Variants in PJA2 observed in about 807,000 individuals in gnomAD.
The protein encoded by PJA2 is E3 ubiquitin-protein ligase Praja-2.
A neutral mutation model predicts 69.3 loss-of-function variants in PJA2; 25 were observed. The observed-to-expected ratio is 0.36, with a 90% confidence interval of 0.26 to 0.50. The LOEUF (loss-of-function observed/expected upper bound fraction) is 0.50, where lower values mean the gene tolerates loss of function less well. Among genes scored for constraint, PJA2 ranks in the 20% least tolerant of loss-of-function variants. PJA2 has a pLI of 0.96. For missense variants in PJA2, 809 were observed against 830.2 expected (o/e 0.97, Z 0.31); for synonymous variants, 308 against 277.8 (o/e 1.11, Z -1.08).
intron 4 of PJA2, among the ~76,000 whole-genome samples, chr5:109,370,716 C>A (rs1762662300): frequency 6.6e-6 from 1 of 152,136 alleles, no homozygotes; most frequent in Non-Finnish European, 1.5e-5. Flanking sequence ...ACCTAAGTTT[C>A]CTTGAGTAAG....
intron 1 of PJA2, among the ~76,000 whole-genome samples, chr5:109,391,859 A>G (rs1747289708): frequency 6.6e-6 from 1 of 152,222 alleles, no homozygotes; most frequent in East Asian, 1.9e-4. Context: ...CCTTGAAAGG[A>G]TATCGTTTAC....
At chr5:109,345,836 A>G (rs1004360848) in intron 7 of PJA2, among the ~76,000 whole-genome samples, 3 of 152,194 alleles carry the variant, frequency 2.0e-5, no homozygotes, top group Non-Finnish European at 4.4e-5. Context: ...ACAGGTTCAA[A>G]TATCTGTGTC....
At chr5:109,380,162 C>T (rs748853489) in intron 3 of PJA2, among the ~76,000 whole-genome samples, 18 of 134,904 alleles carry the variant, frequency 1.3e-4, no homozygotes, top group Admixed American at 1.0e-3. Flanking sequence ...GGCATGATCT[C>T]GGCTCACTGC....
intron 7 of PJA2, among the ~76,000 whole-genome samples, chr5:109,353,547 C>CT (rs1482565665): frequency 7.1e-5 from 8 of 113,142 alleles, no homozygotes; most frequent in Admixed American, 3.3e-4. Flanking sequence ...TCATAGATAT[C>CT]TATATATTAG....
At chr5:109,409,318 G>T (rs958942654) in intron 1 of PJA2, 1 of 152,354 alleles carries the variant, frequency 6.6e-6, no homozygotes, top group African/African-American at 2.4e-5. Context: ...GGAAAATGCA[G>T]ACGCCCAGCA....
At position 109,409,938 on chromosome 5, in the gene PJA2, C is replaced by T. The variant is rs1729594406; in HGVS notation, c.-184G>A. ...CCTCCAACTCCTCCCCCGCCGAACG[C>T]GAAGCGGCTGGCGGCTGTGGCGGCG... On this transcript the variant is annotated 5_prime_UTR_variant, in exon 1 of 10. Transcript: ENST00000361189. The T allele has an allele frequency of 4.9e-6, 1 of 203,564 alleles. No individual in the cohort carries two copies. Among genetic ancestry groups the T allele is most frequent in the Non-Finnish European group, 9.7e-6 (1 of 102,598 alleles). The allele number at this position is 203,564 out of a possible 1,614,324, so 12.6% of individuals were successfully genotyped here. A position where few individuals can be genotyped will look rare whatever the true frequency, so the allele number is the denominator to read the frequency against.
intron 7 of PJA2, among the ~76,000 whole-genome samples, chr5:109,355,280 G>C (rs753103392): frequency 2.0e-5 from 3 of 152,046 alleles, no homozygotes; most frequent in Non-Finnish European, 2.9e-5. Context: ...AAATCACTTT[G>C]GAAATAGTGA....
At chr5:109,337,456 C>T (rs770688629) in intron 9 of PJA2, 100 bp from the exon 10 acceptor site, 199 of 1,331,976 alleles carry the variant, frequency 1.5e-4, no homozygotes, top group Non-Finnish European at 1.9e-4. Context: ...AATAATAAGA[C>T]TCTTAACAAC....
intron 9 of PJA2, 22 bp from the exon 10 acceptor site, chr5:109,337,378 A>G: frequency 2.5e-6 from 4 of 1,573,506 alleles, no homozygotes; most frequent in Non-Finnish European, 3.4e-6. Flanking sequence ...AAAAATGTTA[A>G]GAGCCACCAG....
intron 1 of PJA2, among the ~76,000 whole-genome samples, chr5:109,401,746 C>A (rs1375774818): frequency 1.3e-5 from 2 of 152,156 alleles, no homozygotes; most frequent in Non-Finnish European, 2.9e-5. Context: ...AAAGGAAGTT[C>A]TTCATGCAGA....
At chr5:109,356,501 T>A (rs73226866) in intron 6 of PJA2, among the ~76,000 whole-genome samples, 8,803 of 152,152 alleles carry the variant, frequency 0.058, 832 homozygotes, top group African/African-American at 0.2. Context: ...TATTCCAAAA[T>A]CTAGGAAAAG....
intron 7 of PJA2, among the ~76,000 whole-genome samples, chr5:109,349,390 G>C (rs1762215819): frequency 1.3e-5 from 2 of 152,126 alleles, no homozygotes; most frequent in South Asian, 4.1e-4. Context: ...CAGTGTGCTT[G>C]CTTGACAGAG....
At chr5:109,359,352 C>T (rs1415930301) in intron 6 of PJA2, among the ~76,000 whole-genome samples, 1 of 152,132 alleles carries the variant, frequency 6.6e-6, no homozygotes, top group Non-Finnish European at 1.5e-5. Flanking sequence ...CTTGGATTTT[C>T]TAGTGCACAG....
At chr5:109,361,748 A>T (rs981455136) in intron 6 of PJA2, among the ~76,000 whole-genome samples, 1 of 152,246 alleles carries the variant, frequency 6.6e-6, no homozygotes, top group African/African-American at 2.4e-5. Context: ...GTAGAAATAC[A>T]AATTGCATGG....
At chr5:109,352,239 A>C (rs913883456) in intron 7 of PJA2, among the ~76,000 whole-genome samples, 2 of 152,192 alleles carry the variant, frequency 1.3e-5, no homozygotes, top group Non-Finnish European at 2.9e-5. Context: ...TCTCAAGACC[A>C]GTCTCTCTGG....
chr5:109,375,247 C>CG (rs1358387033), intron 4 of PJA2, among the ~76,000 whole-genome samples: 50 of 152,234 alleles, frequency 3.3e-4, no homozygotes, highest in African/African-American at 1.2e-3. Flanking sequence ...CAGTGGCTCA[C>CG]GCCTGTAATC....
chr5:109,342,411 T>G, intron 9 of PJA2, among the ~76,000 whole-genome samples: 1 of 108,294 alleles, frequency 9.2e-6, no homozygotes, highest in African/African-American at 3.9e-5. Flanking sequence ...AGCCGCCCGG[T>G]CCGGGAGGGA....
chr5:109,403,835 G>A (rs752466706), intron 1 of PJA2, among the ~76,000 whole-genome samples: 1 of 151,862 alleles, frequency 6.6e-6, no homozygotes, highest in Non-Finnish European at 1.5e-5. Flanking sequence ...ACTTTGGGGG[G>A]CCAAGGCGGG....
chr5:109,346,686 A>G (rs750316030), intron 7 of PJA2, among the ~76,000 whole-genome samples: 1 of 152,258 alleles, frequency 6.6e-6, no homozygotes, highest in Non-Finnish European at 1.5e-5. Flanking sequence ...TGATTCTTAC[A>G]TGAGATACCT....
Sources: gnomAD v4.1 joint callset for allele counts (sites outside exome capture counted in the v4.1 genomes callset) on GRCh38, gnomAD v4.1.1 for gene constraint, MANE v1.5 for transcripts, NCBI Gene and HGNC (gene_info 2026-07-23, HGNC 2026-07-21) for gene names.